TBCE: variants seen among roughly 807,000 people sequenced by gnomAD.
TBCE encodes tubulin folding cofactor E.
In TBCE, 53 loss-of-function variants were observed where a neutral mutation model predicts 77.0. The observed-to-expected ratio is 0.69, with a 90% CI of 0.55 to 0.87. TBCE has a LOEUF of 0.87. Ranked by LOEUF, TBCE falls within the 40% of genes least tolerant of loss-of-function variation. The probability of loss-of-function intolerance (pLI) is 0.00; values close to 1 mark genes in which losing one functional copy is unlikely to be tolerated. For missense variants in TBCE, 624 were observed against 622.4 expected (o/e 1.00, Z -0.03); for synonymous variants, 235 against 241.3 (o/e 0.97, Z 0.24).
At chr1:235,389,839 G>T (rs1678269093) in intron 2 of TBCE, among the ~76,000 whole-genome samples, 1 of 152,050 alleles carries the variant, frequency 6.6e-6, no homozygotes, top group Non-Finnish European at 1.5e-5. Flanking sequence ...AAAAAGAAAT[G>T]CAGACTGGGC....
chr1:235,385,495 G>A (rs1233393696), intron 2 of TBCE, among the ~76,000 whole-genome samples: 2 of 151,932 alleles, frequency 1.3e-5, no homozygotes, highest in African/African-American at 4.8e-5. Flanking sequence ...ATGAATCTGG[G>A]TGCTCCTGTA....
At chr1:235,413,022 C>T (rs374618615) in intron 3 of TBCE, among the ~76,000 whole-genome samples, 37 of 152,198 alleles carry the variant, frequency 2.4e-4, no homozygotes, top group Non-Finnish European at 4.4e-4. Context: ...AGGCTGATCT[C>T]GAACTCCTGA....
In TBCE at chr1:235,449,246, T is replaced by C. The variant is rs537883720; in HGVS notation, c.*484T>C. On this transcript the variant is annotated 3_prime_UTR_variant, in exon 17 of 17. Transcript: ENST00000642610. ...ATATGCTATTATCTGTCTTCTCAGT[T>C]GCACTATTTCTAAGAGTACTTAAAT... 9 of 179,054 alleles carry C rather than the reference T, an allele frequency of 5.0e-5. No individual in the cohort carries two copies. The highest frequency in any genetic ancestry group is 3.6e-4 in the South Asian group (3 of 8,380). The allele number at this position is 179,054 out of a possible 1,614,324, so 11.1% of individuals were successfully genotyped here.
chr1:235,407,419 A>G (rs932717187), intron 3 of TBCE, among the ~76,000 whole-genome samples: 3 of 152,106 alleles, frequency 2.0e-5, no homozygotes, highest in Admixed American at 6.6e-5. Context: ...AATGTTACAT[A>G]TTGTTCTGAA....
rs995860393 is a variant in TBCE, at chr1:235,412,339, T to A, written c.186-2094T>A. Among the ~76,000 whole-genome samples, 13 of 138,596 alleles carry A rather than the reference T, an allele frequency of 9.4e-5. 1 individual carries two copies. The Admixed American group carries it at 9.9e-4, about 11-fold the overall frequency. The allele number at this position is 138,596 out of a possible 152,430, so 90.9% of individuals were successfully genotyped here. On this transcript the variant is annotated intron_variant, in intron 3 of 16. Transcript: ENST00000642610. ...TTCACCTCCTGGGCTCAAGCAATTCTCTTGCCTCATACTTCCAAGTAGCGA... is the reference window on the plus strand; with the variant it reads ...TTCACCTCCTGGGCTCAAGCAATTCACTTGCCTCATACTTCCAAGTAGCGA...
chr1:235,436,743 C>G (rs745569503), intron 11 of TBCE, 135 bp downstream of exon 11: 1 of 885,034 alleles, frequency 1.1e-6, no homozygotes, highest in Non-Finnish European at 1.8e-6. Flanking sequence ...GAGTGAAACT[C>G]CTCATAAGAA....
chr1:235,380,479 T>G (rs1267883236), intron 2 of TBCE, among the ~76,000 whole-genome samples: 6 of 152,126 alleles, frequency 3.9e-5, no homozygotes, highest in Admixed American at 1.3e-4. Flanking sequence ...TCAAGTAATT[T>G]TTTTGAAATT....
At chr1:235,448,304 A>G in intron 15 of TBCE, 45 bp from the exon 16 acceptor site, 1 of 1,515,292 alleles carries the variant, frequency 6.6e-7, no homozygotes. Context: ...TTTACAGGTA[A>G]CTGTCATTTG....
intron 2 of TBCE, among the ~76,000 whole-genome samples, chr1:235,382,776 T>C (rs111923392): frequency 0.45 from 62,345 of 138,238 alleles, 13,275 homozygotes; most frequent in East Asian, 0.59. Context: ...GCCTGTTCAC[T>C]CTGATGGTAG....
At chr1:235,407,382 T>C (rs1679509311) in intron 3 of TBCE, among the ~76,000 whole-genome samples, 1 of 152,110 alleles carries the variant, frequency 6.6e-6, no homozygotes, top group African/African-American at 2.4e-5. Context: ...CGCCGTGTCC[T>C]GTCTAGTACA....
chr1:235,442,030 CAG>C lies in TBCE; in HGVS notation c.1339+151_1339+152del, dbSNP rs1572446955. On this transcript the variant is annotated intron_variant, in intron 14 of 16. Coordinates refer to ENST00000642610, the MANE Select transcript of TBCE (RefSeq NM_003193.5). ...AAAATTTTTTTTTTTTTTTTTGAGACAGAGTCTCCCTCTGTCTCCCAGGCTGG... is the reference window on the plus strand; with the variant it reads ...AAAATTTTTTTTTTTTTTTTTGAGACAGTCTCCCTCTGTCTCCCAGGCTGG... 11 of 620,574 alleles carry C rather than the reference CAG, an allele frequency of 1.8e-5. 1 individual carries two copies. Among genetic ancestry groups the C allele is most frequent in the South Asian group, 7.6e-5 (4 of 52,518 alleles). The allele number at this position is 620,574 out of a possible 1,614,324, so 38.4% of individuals were successfully genotyped here. A position where few individuals can be genotyped will look rare whatever the true frequency, so the allele number is the denominator to read the frequency against.
intron 1 of TBCE, among the ~76,000 whole-genome samples, chr1:235,371,038 C>CTGTT (rs1676911208): frequency 4.3e-5 from 1 of 23,310 alleles, no homozygotes; most frequent in Non-Finnish European, 8.1e-5. Context: ...TCACGCCTGG[C>CTGTT]TTTTTTTTTT....
chr1:235,439,477 CAG>C (rs1210860863), intron 13 of TBCE, among the ~76,000 whole-genome samples: 1 of 151,682 alleles, frequency 6.6e-6, no homozygotes, highest in Non-Finnish European at 1.5e-5. Context: ...GCCTGGGCGA[CAG>C]AACGAGACTC....
chr1:235,383,314 T>C (rs1461534419), intron 2 of TBCE, among the ~76,000 whole-genome samples: 23 of 152,062 alleles, frequency 1.5e-4, no homozygotes, highest in Non-Finnish European at 3.2e-4. Context: ...TTTTTGGTTC[T>C]ATATGAACTT....
Position 235,414,532 on chromosome 1 carries a change from A to G in TBCE, c.285A>G (p.Pro95=), listed in dbSNP as rs370008855. 2.5e-5 allele frequency: 41 copies of G among 1,613,838 alleles called. No homozygotes were observed. The highest frequency in any genetic ancestry group is 3.5e-5 in the Non-Finnish European group (41 of 1,180,006). ...IKNRYVLEDG[P]EEDRKEQIVT... ...ACCGCTATGTGTTAGAAGATGGACC[A>G]GAGGAAGATAGAAAAGAGCAAATTG... The change falls in exon 4 of 17, where the codon CCA becomes CCG. Residue 95 remains proline (P), a synonymous_variant. Transcript: ENST00000642610.
intron 1 of TBCE, among the ~76,000 whole-genome samples, chr1:235,377,841 C>T (rs10925560): frequency 0.5 from 75,303 of 151,708 alleles, 19,057 homozygotes; most frequent in East Asian, 0.65. Flanking sequence ...TTAGTAGAGA[C>T]GGGGTTTCAC....
intron 7 of TBCE, chr1:235,433,151 GC>G: frequency 6.9e-7 from 1 of 1,441,358 alleles, no homozygotes; most frequent in African/African-American, 1.4e-5. Flanking sequence ...TGTGCTATCT[GC>G]AGGACTGTTT....
At chr1:235,415,665 G>A (rs1435309735) in intron 4 of TBCE, 1 of 151,882 alleles carries the variant, frequency 6.6e-6, no homozygotes, top group Non-Finnish European at 1.5e-5. Flanking sequence ...TGCACATGGG[G>A]ACAATGTGGA....
chr1:235,445,958 G>A (rs888324335), intron 15 of TBCE, among the ~76,000 whole-genome samples: 7 of 152,150 alleles, frequency 4.6e-5, no homozygotes, highest in African/African-American at 1.4e-4. Context: ...GCTGTCCAGT[G>A]TGGCTGCAAT....
Sources: allele counts gnomAD v4.1 joint callset (sites outside exome capture counted in the v4.1 genomes callset), GRCh38; gene constraint gnomAD v4.1.1; transcripts MANE v1.5; gene names NCBI Gene and HGNC (gene_info 2026-07-23, HGNC 2026-07-21).